The following NCOR1 variants were observed in gnomAD, a reference collection of about 807,000 sequenced individuals.
NCOR1 encodes protein phosphatase 1, regulatory subunit 109.
In NCOR1, 63 loss-of-function variants were observed where a neutral mutation model predicts 288.1. The ratio of observed to expected loss-of-function variants is 0.22; its 90% CI spans 0.18 to 0.27. The LOEUF is 0.27. Ranked by LOEUF, NCOR1 falls within the 10% of genes least tolerant of loss-of-function variation. The pLI is 1.00. For missense variants in NCOR1, 2,397 were observed against 3,019.2 expected (o/e 0.79, Z 4.83); for synonymous variants, 1,007 against 1,065.9 (o/e 0.94, Z 1.08).
intron 2 of NCOR1, among the ~76,000 whole-genome samples, chr17:16,192,712 G>A (rs1177766276): frequency 7.0e-6 from 1 of 143,668 alleles, no homozygotes; most frequent in South Asian, 2.2e-4. Context: ...TCCAAAGGAT[G>A]CTGTTAAGAA....
At chr17:16,178,958 GTTATTTT>G in intron 3 of NCOR1, among the ~76,000 whole-genome samples, 1 of 91,038 alleles carries the variant, frequency 1.1e-5, no homozygotes, top group East Asian at 2.0e-4. Flanking sequence ...TACAAAAAAA[GTTATTTT>G]TTTTTTGTAG....
chr17:16,135,034 C>T (rs779012690), intron 14 of NCOR1, among the ~76,000 whole-genome samples: 21 of 151,690 alleles, frequency 1.4e-4, no homozygotes, highest in Non-Finnish European at 2.5e-4. Flanking sequence ...TGGCGGGTGC[C>T]GGTAGTCCCA....
chr17:16,046,263 C>T (rs1422585888), intron 42 of NCOR1, among the ~76,000 whole-genome samples: 2 of 152,044 alleles, frequency 1.3e-5, no homozygotes, highest in South Asian at 2.1e-4. Flanking sequence ...AAAAGTAGAG[C>T]GAGGGCAAGG....
At chr17:16,139,626 C>A (rs919945979) in intron 11 of NCOR1, among the ~76,000 whole-genome samples, 5 of 152,036 alleles carry the variant, frequency 3.3e-5, no homozygotes, top group Non-Finnish European at 7.4e-5. Context: ...GAAAAATAAG[C>A]AAACAGGCAT....
At chr17:16,039,680 A>C (rs756574348) in intron 43 of NCOR1, 26 bp from the exon 44 acceptor site, 2 of 1,588,586 alleles carry the variant, frequency 1.3e-6, no homozygotes, top group Non-Finnish European at 1.7e-6. Context: ...AAACATTTCC[A>C]CTTATTTCTG....
Position 16,092,077 on chromosome 17 carries a change from T to C in NCOR1, c.2821-19A>G, listed in dbSNP as rs754186727. 1.2e-6 allele frequency: 2 copies of C among 1,610,236 alleles called. No homozygotes were observed. The highest frequency in any genetic ancestry group is 1.1e-5 in the South Asian group (1 of 91,060). ...AGGATACCTATAGGAAGAAAATAAA[T>C]CGAAATATGCAAACAACCAATGTAA... On this transcript the variant is annotated intron_variant, in intron 21 of 45. Coordinates refer to ENST00000268712, the MANE Select transcript of NCOR1 (RefSeq NM_006311.4).
At chr17:16,045,818 A>T (rs538426272) in intron 42 of NCOR1, among the ~76,000 whole-genome samples, 218 of 149,570 alleles carry the variant, frequency 1.5e-3, no homozygotes, top group African/African-American at 3.4e-3. Context: ...TTTAAAAAAA[A>T]TTTTTTTTTT....
intron 26 of NCOR1, among the ~76,000 whole-genome samples, chr17:16,078,533 T>C (rs1474543536): frequency 2.6e-5 from 4 of 152,142 alleles, no homozygotes; most frequent in African/African-American, 7.2e-5. Flanking sequence ...ATTAAAGTAT[T>C]AGCTTGCTGT....
intron 3 of NCOR1, among the ~76,000 whole-genome samples, chr17:16,181,976 T>C (rs2153508054): frequency 6.6e-6 from 1 of 152,312 alleles, no homozygotes; most frequent in South Asian, 2.1e-4. Flanking sequence ...TCTAATTCTT[T>C]ACTTTTGTAT....
rs111815935 is a variant in NCOR1, at chr17:16,042,860, A to G, written c.6680-2366T>C. ...AAGAAGTAATGAGGTCTGCAAAGATATGTAAGTAGAGCTTAGTAGGAAAAG... is the reference window on the plus strand; with the variant it reads ...AAGAAGTAATGAGGTCTGCAAAGATGTGTAAGTAGAGCTTAGTAGGAAAAG... On this transcript the variant is annotated intron_variant, in intron 42 of 45. Transcript: ENST00000268712. Among the ~76,000 whole-genome samples, 1,007 of 152,326 alleles carry G rather than the reference A, an allele frequency of 6.6e-3. 14 individuals are homozygous for G. Among genetic ancestry groups the G allele is most frequent in the African/African-American group, 0.023 (974 of 41,570 alleles).
intron 15 of NCOR1, 91 bp from the exon 16 acceptor site, chr17:16,121,360 T>C: frequency 1.8e-6 from 2 of 1,102,130 alleles, no homozygotes; most frequent in Non-Finnish European, 2.5e-6. Flanking sequence ...TAAATAGAAA[T>C]TGAATAAAAC....
At chr17:16,204,528 C>T (rs1377975435) in intron 1 of NCOR1, among the ~76,000 whole-genome samples, 1 of 152,174 alleles carries the variant, frequency 6.6e-6, no homozygotes, top group Non-Finnish European at 1.5e-5. Context: ...TATCATATAT[C>T]CTGCGATATA....
intron 32 of NCOR1, 189 bp from the exon 33 acceptor site, chr17:16,065,883 C>A: frequency 1.7e-6 from 1 of 587,062 alleles, no homozygotes. Flanking sequence ...ATTCTAATGT[C>A]TAAGATGTAA....
intron 44 of NCOR1, 174 bp downstream of exon 44, chr17:16,039,256 ATAT>A: frequency 1.6e-6 from 1 of 618,286 alleles, no homozygotes; most frequent in Non-Finnish European, 2.8e-6. Context: ...ATTTCTGTTC[ATAT>A]TATAATGTCT....
intron 26 of NCOR1, among the ~76,000 whole-genome samples, chr17:16,077,527 A>AGGGGGAGG (rs2062711944): frequency 2.0e-4 from 2 of 9,786 alleles, no homozygotes; most frequent in African/African-American, 1.1e-3. Context: ...GGGGGGGAGG[A>AGGGGGAGG]GGGGGAGGAG....
At chr17:16,045,037 CAA>C (rs2058429484) in intron 42 of NCOR1, 2 of 408,766 alleles carry the variant, frequency 4.9e-6, no homozygotes, top group Non-Finnish European at 9.0e-6. Context: ...ATGGTCTACC[CAA>C]AGTCTCTCTA....
intron 1 of NCOR1, among the ~76,000 whole-genome samples, chr17:16,204,533 G>T (rs955090088): frequency 6.6e-6 from 1 of 152,096 alleles, no homozygotes; most frequent in Non-Finnish European, 1.5e-5. Context: ...TATATCCTGC[G>T]ATATACAAGC....
At chr17:16,057,005 C>G (rs1015563634) in intron 40 of NCOR1, 2 of 151,080 alleles carry the variant, frequency 1.3e-5, no homozygotes, top group Non-Finnish European at 2.9e-5. Context: ...AATATATAAA[C>G]TTTTTTTTTG....
intron 18 of NCOR1, among the ~76,000 whole-genome samples, chr17:16,112,711 G>A (rs2070556292): frequency 6.6e-6 from 1 of 152,046 alleles, no homozygotes; most frequent in Admixed American, 6.5e-5. Context: ...GGATGGTCTT[G>A]ATCTCTTGAA....
Sources: allele counts gnomAD v4.1 joint callset (sites outside exome capture counted in the v4.1 genomes callset), GRCh38; gene constraint gnomAD v4.1.1; transcripts MANE v1.5; gene names NCBI Gene and HGNC (gene_info 2026-07-23, HGNC 2026-07-21).